Variants in WDR64 observed in about 807,000 individuals in gnomAD.
WDR64 encodes the protein WD repeat domain 64.
WDR64 carries 112 observed loss-of-function variants against 139.3 expected under a neutral mutation model. The observed-to-expected ratio is 0.80, with a 90% CI of 0.69 to 0.94. WDR64 has a LOEUF of 0.94. Ranked by LOEUF, WDR64 falls within the 40% of genes least tolerant of loss-of-function variation. The probability of loss-of-function intolerance (pLI) is 0.00; values close to 1 mark genes in which losing one functional copy is unlikely to be tolerated. For missense variants in WDR64, 1,206 were observed against 1,293.1 expected, an observed-to-expected ratio of 0.93 and a Z score of 1.03; for synonymous variants, 444 against 437.7, an observed-to-expected ratio of 1.01 and a Z score of -0.18.
chr1:241,655,475 A>T (rs565409895), intron 1 of WDR64, among the ~76,000 whole-genome samples: 2 of 152,238 alleles, frequency 1.3e-5, no homozygotes, highest in East Asian at 3.9e-4. Flanking sequence ...AAAATTATCA[A>T]TGTGCCATAT....
intron 8 of WDR64, among the ~76,000 whole-genome samples, chr1:241,706,009 T>C (rs1667940047): frequency 6.7e-6 from 1 of 150,232 alleles, no homozygotes; most frequent in African/African-American, 2.5e-5. Flanking sequence ...TTATTTTTCA[T>C]ATACTTTTAT....
chr1:241,656,880 G>GTGTGTGTA lies in WDR64; in HGVS notation c.146-3643_146-3642insATGTGTGT, dbSNP rs1553359788. 2.9e-5 allele frequency among the ~76,000 whole-genome samples: 4 copies of GTGTGTGTA among 140,346 alleles called. No homozygotes were observed. Among genetic ancestry groups the GTGTGTGTA allele is most frequent in the African/African-American group, 7.8e-5 (3 of 38,654 alleles). 92.1% of individuals were successfully genotyped at this position (140,346 alleles called of 152,430 possible). ...AGTCTTTGCCAAATGTTGTGTGTGT[G>GTGTGTGTA]TGTGTGTGTGTGTGTGTGTGTGTGT... On this transcript the variant is annotated intron_variant, in intron 1 of 27. Coordinates refer to ENST00000437684, the MANE Select transcript of WDR64 (RefSeq NM_001367482.1). The surrounding 1 kb of genome is among the most constrained non-coding windows in gnomAD (Gnocchi z 4.3).
At chr1:241,736,457 A>G (rs1191056641) in intron 10 of WDR64, among the ~76,000 whole-genome samples, 3 of 151,228 alleles carry the variant, frequency 2.0e-5, no homozygotes, top group Non-Finnish European at 4.4e-5. Flanking sequence ...CTAGATAGAG[A>G]AGGCCTTTGA....
intron 8 of WDR64, among the ~76,000 whole-genome samples, chr1:241,700,310 C>T (rs1667662926): frequency 6.6e-6 from 1 of 151,776 alleles, no homozygotes; most frequent in Non-Finnish European, 1.5e-5. Flanking sequence ...TCTGTCCCTA[C>T]TTCCACTGGT....
intron 7 of WDR64, among the ~76,000 whole-genome samples, 160 bp downstream of exon 7, chr1:241,683,861 G>A (rs1159259721): frequency 9.0e-6 from 1 of 111,532 alleles, no homozygotes; most frequent in African/African-American, 3.4e-5. Flanking sequence ...CATTGTTCAT[G>A]TATACACACA....
At chr1:241,783,471 A>C in intron 23 of WDR64, 90 bp downstream of exon 23, 1 of 908,550 alleles carries the variant, frequency 1.1e-6, no homozygotes, top group Non-Finnish European at 1.7e-6. Context: ...TATAGTTCAA[A>C]TGCAATCTTG....
At chr1:241,679,712 T>G (rs1666700912) in intron 6 of WDR64, 117 bp downstream of exon 6, 2 of 800,660 alleles carry the variant, frequency 2.5e-6, no homozygotes, top group African/African-American at 3.5e-5. Context: ...AATGAGAGGA[T>G]TTAAGTAAGT....
rs1279691988 is a variant in WDR64 at position 241,697,430 on chromosome 1, C to T, written c.974+9835C>T. ...CATCTTCTCCAGGATCTTGCTGTCT[C>T]AGCTCTTCCACTGTCTCCTTATTTT... On this transcript the variant is annotated intron_variant, in intron 8 of 27. Coordinates refer to ENST00000437684, the MANE Select transcript of WDR64 (RefSeq NM_001367482.1). Among the ~76,000 whole-genome samples the T allele has an allele frequency of 1.4e-4, 21 of 152,268 alleles. 1 individual carries two copies. In the East Asian group the frequency reaches 4.1e-3, roughly 29 times the overall value.
At chr1:241,784,436 C>T (rs12068835) in intron 23 of WDR64, among the ~76,000 whole-genome samples, 24,445 of 152,002 alleles carry the variant, frequency 0.16, 2,227 homozygotes, top group African/African-American at 0.21. Flanking sequence ...ATCAAGAAGA[C>T]GTGAACTTTA....
intron 8 of WDR64, among the ~76,000 whole-genome samples, chr1:241,698,008 C>T (rs1050504720): frequency 6.6e-6 from 1 of 152,086 alleles, no homozygotes; most frequent in African/African-American, 2.4e-5. Flanking sequence ...TACATTCTAT[C>T]CTCTTCTTGG....
At chr1:241,743,798 AC>A (rs2148249857) in intron 12 of WDR64, among the ~76,000 whole-genome samples, 1 of 152,188 alleles carries the variant, frequency 6.6e-6, no homozygotes, top group African/African-American at 2.4e-5. Flanking sequence ...TTCTGATTAC[AC>A]CCATCCTAAT....
chr1:241,745,904 A>G (rs1669738562), intron 13 of WDR64, among the ~76,000 whole-genome samples: 2 of 152,276 alleles, frequency 1.3e-5, no homozygotes, highest in African/African-American at 4.8e-5. Context: ...TCTCAGCTCC[A>G]CTAAATCTGA....
At chr1:241,771,871 CAT>C (rs1475070935) in intron 19 of WDR64, among the ~76,000 whole-genome samples, 174 bp downstream of exon 19, 5 of 145,886 alleles carry the variant, frequency 3.4e-5, no homozygotes, top group East Asian at 2.0e-4. Context: ...TATACACACA[CAT>C]ACCCACACAC....
chr1:241,790,301 A>C (rs1249323010), intron 24 of WDR64, among the ~76,000 whole-genome samples: 1 of 152,220 alleles, frequency 6.6e-6, no homozygotes, highest in Non-Finnish European at 1.5e-5. Context: ...CAGTGAGCCG[A>C]GATTGCACTA....
intron 8 of WDR64, among the ~76,000 whole-genome samples, chr1:241,694,102 T>G (rs1328040454): frequency 1.3e-5 from 2 of 150,294 alleles, no homozygotes; most frequent in African/African-American, 5.0e-5. Flanking sequence ...TTAAATGAAA[T>G]TCATACAAAA....
At chr1:241,669,892 G>A (rs1013589053) in intron 2 of WDR64, among the ~76,000 whole-genome samples, 1 of 152,126 alleles carries the variant, frequency 6.6e-6, no homozygotes, top group African/African-American at 2.4e-5. Context: ...TAGAAATGCA[G>A]ATTCTCAGAC....
At chr1:241,667,335 G>C (rs1459510959) in intron 2 of WDR64, among the ~76,000 whole-genome samples, 1 of 152,138 alleles carries the variant, frequency 6.6e-6, no homozygotes, top group African/African-American at 2.4e-5. Context: ...ACCAAGTTGT[G>C]TTTATAAAAT....
At chr1:241,787,120 C>T (rs1223632429) in intron 23 of WDR64, among the ~76,000 whole-genome samples, 4 of 151,288 alleles carry the variant, frequency 2.6e-5, no homozygotes, top group African/African-American at 4.9e-5. Flanking sequence ...TTTGGGAGCC[C>T]GAGGCGGGTG....
At chr1:241,789,172 G>A (rs1659142712) in intron 24 of WDR64, among the ~76,000 whole-genome samples, 1 of 152,100 alleles carries the variant, frequency 6.6e-6, no homozygotes, top group Non-Finnish European at 1.5e-5. Flanking sequence ...GGTAGACACA[G>A]AAGCATGAAA....
Sources: allele counts gnomAD v4.1 joint callset (sites outside exome capture counted in the v4.1 genomes callset), GRCh38; gene constraint gnomAD v4.1.1; non-coding constraint Gnocchi (gnomAD v3.1); transcripts MANE v1.5; gene names NCBI Gene and HGNC (gene_info 2026-07-23, HGNC 2026-07-21).